The following TTC39B variants were observed in gnomAD, a reference collection of about 807,000 sequenced individuals.
TTC39B encodes tetratricopeptide repeat protein 39B.
A neutral mutation model predicts 96.6 loss-of-function variants in TTC39B; 92 were observed. The observed-to-expected ratio is 0.95, with a 90% CI of 0.80 to 1.13. The LOEUF (loss-of-function observed/expected upper bound fraction) is 1.13. TTC39B is among the 50% of genes most tolerant of loss of function. TTC39B has a pLI of 0.00. For synonymous variants in TTC39B, 367 were observed against 299.4 expected (o/e 1.23, Z -2.33); for missense variants, 955 against 809.3 (o/e 1.18, Z -2.18).
chr9:15,208,712 T>C (rs1820017827), intron 6 of TTC39B, among the ~76,000 whole-genome samples: 1 of 152,202 alleles, frequency 6.6e-6, no homozygotes, highest in Non-Finnish European at 1.5e-5. Context: ...GAATGACCAA[T>C]GAAATGCCAT....
chr9:15,182,452 G>C, intron 16 of TTC39B, 37 bp from the exon 17 acceptor site: 1 of 1,452,232 alleles, frequency 6.9e-7, no homozygotes, highest in Non-Finnish European at 9.6e-7. Flanking sequence ...GCAGTTATAT[G>C]AGGTTATTCA....
Position 15,306,418 on chromosome 9 carries a change from T to A in TTC39B, c.240+666A>T, listed in dbSNP as rs564736161. ...GGCCGGAGTCGGTTCTCAAAGTGGT[T>A]TCCCTCCGGCCACCACCGACTCTGA... is the stretch of plus-strand genomic sequence containing the variant. On this transcript the variant is annotated intron_variant, in intron 1 of 19. Coordinates refer to ENST00000512701, the Ensembl canonical transcript of TTC39B. The surrounding 1 kb of genome is among the most constrained non-coding windows in gnomAD (Gnocchi z 5.1). Among the ~76,000 whole-genome samples the A allele has an allele frequency of 5.1e-4, 77 of 152,082 alleles. No homozygotes were observed. Among genetic ancestry groups the A allele is most frequent in the Admixed American group, 1.6e-3 (24 of 15,292 alleles).
At chr9:15,214,330 G>A in intron 3 of TTC39B, 81 bp from the exon 4 acceptor site, 2 of 836,790 alleles carry the variant, frequency 2.4e-6, no homozygotes, top group Non-Finnish European at 3.9e-6. Context: ...GTGTGTGTGT[G>A]TGTGTGTGTG....
intron 2 of TTC39B, among the ~76,000 whole-genome samples, chr9:15,260,622 G>GA (rs1333910281): frequency 1.1e-4 from 14 of 127,664 alleles, no homozygotes; most frequent in Admixed American, 2.8e-4. Flanking sequence ...CCTAATGAGG[G>GA]GAAAAAAAAA....
intron 1 of TTC39B, among the ~76,000 whole-genome samples, chr9:15,297,602 G>T (rs1354924987): frequency 6.6e-6 from 1 of 152,062 alleles, no homozygotes; most frequent in Non-Finnish European, 1.5e-5. Context: ...TTTTCAGAGG[G>T]ATCCACACCA....
intron 6 of TTC39B, among the ~76,000 whole-genome samples, chr9:15,205,332 A>G (rs868332889): frequency 2.4e-4 from 36 of 152,222 alleles, no homozygotes; most frequent in African/African-American, 7.0e-4. Flanking sequence ...TATTGGGATT[A>G]GTGCTAAATA....
chr9:15,279,600 A>C (rs1353058758), intron 1 of TTC39B, among the ~76,000 whole-genome samples: 1 of 152,214 alleles, frequency 6.6e-6, no homozygotes, highest in East Asian at 1.9e-4. Flanking sequence ...AAAAGCACTT[A>C]GAACAATGCA....
chr9:15,261,132 G>A (rs1395301902), intron 2 of TTC39B, among the ~76,000 whole-genome samples: 1 of 152,148 alleles, frequency 6.6e-6, no homozygotes, highest in Non-Finnish European at 1.5e-5. Flanking sequence ...AGGACTCCCG[G>A]TTAGATTTTT....
chr9:15,188,518 T>G (rs984134749), intron 13 of TTC39B, among the ~76,000 whole-genome samples: 2 of 152,214 alleles, frequency 1.3e-5, no homozygotes, highest in Non-Finnish European at 2.9e-5. Flanking sequence ...AGGTTAACTC[T>G]TTTATCATTC....
chr9:15,225,011 C>T (rs954154767), intron 3 of TTC39B, among the ~76,000 whole-genome samples: 3 of 152,092 alleles, frequency 2.0e-5, no homozygotes, highest in African/African-American at 4.8e-5. Flanking sequence ...TTTAATAAAC[C>T]TCTAAGGATG....
chr9:15,278,004 CA>C (rs977954430), intron 1 of TTC39B, among the ~76,000 whole-genome samples: 1 of 151,744 alleles, frequency 6.6e-6, no homozygotes, highest in Non-Finnish European at 1.5e-5. Context: ...GTCACTGTCA[CA>C]AAAAAAATTT....
intron 9 of TTC39B, among the ~76,000 whole-genome samples, chr9:15,191,692 G>A (rs988048573): frequency 1.3e-5 from 2 of 152,222 alleles, no homozygotes; most frequent in Non-Finnish European, 2.9e-5. Context: ...AAGGACAGTG[G>A]TGAGGGAATA....
chr9:15,189,839 T>C, intron 11 of TTC39B, 47 bp from the exon 12 acceptor site: 4 of 1,337,588 alleles, frequency 3.0e-6, no homozygotes, highest in Non-Finnish European at 4.2e-6. Context: ...GACATGGGGA[T>C]ATTTATAACC....
chr9:15,288,449 C>T lies in TTC39B; in HGVS notation c.240+18635G>A, dbSNP rs999097476. ...GAGAAGAGAAGGAGTATCTGAATGT[C>T]GTCGAGAGGAGTTCAGCTGGGGATG... On this transcript the variant is annotated intron_variant, in intron 1 of 19. Coordinates refer to ENST00000512701, the Ensembl canonical transcript of TTC39B. Among the ~76,000 whole-genome samples the T allele has an allele frequency of 3.9e-5, 6 of 152,142 alleles. 1 individual carries two copies. The highest frequency in any genetic ancestry group is 3.9e-4 in the East Asian group (2 of 5,192).
intron 8 of TTC39B, among the ~76,000 whole-genome samples, chr9:15,199,014 A>G (rs1270204561): frequency 6.6e-6 from 1 of 152,228 alleles, no homozygotes; most frequent in Non-Finnish European, 1.5e-5. Flanking sequence ...AATACATATT[A>G]TAAAAGCCTA....
At chr9:15,204,799 T>C (rs1269212912) in intron 6 of TTC39B, among the ~76,000 whole-genome samples, 1 of 152,150 alleles carries the variant, frequency 6.6e-6, no homozygotes, top group Non-Finnish European at 1.5e-5. Flanking sequence ...ATCATGTAGA[T>C]GTCTAGCACA....
intron 2 of TTC39B, among the ~76,000 whole-genome samples, chr9:15,241,255 T>G (rs527797878): frequency 1.3e-5 from 2 of 152,186 alleles, no homozygotes; most frequent in East Asian, 3.9e-4. Context: ...TGTTTTACAT[T>G]TGTATCAGAA....
exon 20 of TTC39B, chr9:15,166,317 GTGC>G (rs1174537187): frequency 6.6e-6 from 1 of 152,152 alleles, no homozygotes; most frequent in Non-Finnish European, 1.5e-5. Flanking sequence ...CAGTATTACT[GTGC>G]TAAACACATA....
intron 1 of TTC39B, among the ~76,000 whole-genome samples, chr9:15,269,548 T>C (rs1230983264): frequency 6.6e-6 from 1 of 152,072 alleles, no homozygotes; most frequent in African/African-American, 2.4e-5. Context: ...AAAACAAAAG[T>C]GTAAATACTA....
Sources: gnomAD v4.1 joint callset for allele counts (sites outside exome capture counted in the v4.1 genomes callset) on GRCh38, gnomAD v4.1.1 for gene constraint, Gnocchi (gnomAD v3.1) non-coding constraint, MANE v1.5 for transcripts, NCBI Gene and HGNC (gene_info 2026-07-23, HGNC 2026-07-21) for gene names.